RTL10: variants seen among roughly 807,000 people sequenced by gnomAD.
RTL10 encodes protein Bop.
For synonymous variants in RTL10, 199 were observed against 188.4 expected, an observed-to-expected ratio of 1.06 and a Z score of -0.46; for missense variants, 477 against 470.7, an observed-to-expected ratio of 1.01 and a Z score of -0.12.
intron 2 of RTL10, among the ~76,000 whole-genome samples, chr22:19,854,086 C>T (rs1263302775): frequency 6.6e-6 from 1 of 152,200 alleles, no homozygotes; most frequent in African/African-American, 2.4e-5. Flanking sequence ...AACCCTGGGC[C>T]GCACTCTCAC....
chr22:19,851,047 A>G lies in RTL10; in HGVS notation c.*120T>C. On this transcript the variant is annotated 3_prime_UTR_variant, in exon 3 of 3. Transcript: ENST00000328554. Reference sequence around the variant, plus strand: ...AGTCCAAAACAAGCGCATCTTGCCCAGCTATGGGGTCTGAAGTCATCTGGG... The same window carrying G: ...AGTCCAAAACAAGCGCATCTTGCCCGGCTATGGGGTCTGAAGTCATCTGGG... 1 of 1,448,200 alleles carries G rather than the reference A, an allele frequency of 6.9e-7. No homozygotes were observed. The highest frequency in any genetic ancestry group is 9.1e-7 in the Non-Finnish European group (1 of 1,100,640). 89.7% of individuals were successfully genotyped at this position (1,448,200 alleles called of 1,614,324 possible). A position where few individuals can be genotyped will look rare whatever the true frequency, so the allele number is the denominator to read the frequency against.
At position 19,849,080 on chromosome 22, in the gene RTL10, A is replaced by C; in HGVS notation, c.*2087T>G. 1 of 985,454 alleles carries C rather than the reference A, an allele frequency of 1.0e-6. No homozygotes were observed. The highest frequency in any genetic ancestry group is 1.2e-6 in the Non-Finnish European group (1 of 829,920). The allele number at this position is 985,454 out of a possible 1,614,324, so 61.0% of individuals were successfully genotyped here. A position where few individuals can be genotyped will look rare whatever the true frequency, so the allele number is the denominator to read the frequency against. On this transcript the variant is annotated 3_prime_UTR_variant, in exon 3 of 3. Transcript: ENST00000328554. The stretch of plus-strand genomic sequence containing the variant: ...GAGGGCAGCTGTGACCTGGCACAGA[A>C]GCATGGGGCTGGGCCAGGACATCCA...
chr22:19,848,403 TC>T lies in RTL10; in HGVS notation c.*2763del. 1.0e-6 allele frequency: 1 copy of T among 985,328 alleles called. No homozygotes were observed. The highest frequency in any genetic ancestry group is 1.2e-6 in the Non-Finnish European group (1 of 829,966). 61.0% of individuals were successfully genotyped at this position (985,328 alleles called of 1,614,324 possible). On this transcript the variant is annotated 3_prime_UTR_variant, in exon 3 of 3. Coordinates refer to ENST00000328554, the MANE Select transcript of RTL10 (RefSeq NM_024627.6). ...AAACAACCCAGGGGGAATGCCTCCT[TC>T]CCCCAGCAGGAAAGCAGCTTGGTCA...
In RTL10 at chr22:19,851,242, C is replaced by T. The variant is rs1386148897; in HGVS notation, c.1020G>A (p.Val340=). ...EVLETEGDQE[V]SLGTPQEVVE... ...CCACCTCCTGTGGGGTACCTAAGGA[C>T]ACCTCCTGGTCTCCCTCTGTCTCCA... The change falls in exon 3 of 3, where the codon GTG becomes GTA. Residue 340 remains valine, a synonymous_variant. Coordinates refer to ENST00000328554, the MANE Select transcript of RTL10 (RefSeq NM_024627.6). The T allele has an allele frequency of 4.4e-6, 7 of 1,604,252 alleles. No individual in the cohort carries two copies. The highest frequency in any genetic ancestry group is 3.3e-5 in the South Asian group (3 of 89,836).
Position 19,851,849 on chromosome 22 carries a change from C to T in RTL10, c.413G>A (p.Arg138His), listed in dbSNP as rs768921611. 60 of 1,613,796 alleles carry T rather than the reference C, an allele frequency of 3.7e-5. No individual in the cohort carries two copies. Among genetic ancestry groups the T allele is most frequent in the African/African-American group, 4.0e-5 (3 of 74,926 alleles). ...HFEHYQDNIS[R>H]VCEILRRLTG... ...TAGGCGCCTGAGGATCTCGCAGACA[C>T]GGCTGATGTTGTCCTGATAGTGCTC... The change falls in exon 3 of 3, where the codon CGT (arginine) becomes CAT (histidine). Residue 138 changes from arginine to histidine, a missense_variant. Transcript: ENST00000328554.
In RTL10 at chr22:19,848,837, C is replaced by A. The variant is rs1938026600; in HGVS notation, c.*2330G>T. 10 of 985,336 alleles carry A rather than the reference C, an allele frequency of 1.0e-5. No homozygotes were observed. In the South Asian group the frequency reaches 4.7e-4, roughly 46 times the overall value. 61.0% of individuals were successfully genotyped at this position (985,336 alleles called of 1,614,324 possible). On this transcript the variant is annotated 3_prime_UTR_variant, in exon 3 of 3. Coordinates refer to ENST00000328554, the MANE Select transcript of RTL10 (RefSeq NM_024627.6). ...CAATCCCAGGCTGGAGTATCCACTT[C>A]AGGTCCACTAAAGGGAGATGGGGAA... is the stretch of plus-strand genomic sequence containing the variant.
At position 19,848,863 on chromosome 22, in the gene RTL10, G is replaced by T; in HGVS notation, c.*2304C>A. Reference sequence around the variant, plus strand: ...AGGTCCACTAAAGGGAGATGGGGAAGGTGGCCTGTCCAGAAGCCTGTGGGA... The same window carrying T: ...AGGTCCACTAAAGGGAGATGGGGAATGTGGCCTGTCCAGAAGCCTGTGGGA... On this transcript the variant is annotated 3_prime_UTR_variant, in exon 3 of 3. Coordinates refer to ENST00000328554, the MANE Select transcript of RTL10 (RefSeq NM_024627.6). 1.0e-6 allele frequency: 1 copy of T among 985,430 alleles called. No homozygotes were observed. The highest frequency in any genetic ancestry group is 1.2e-6 in the Non-Finnish European group (1 of 829,932). 61.0% of individuals were successfully genotyped at this position (985,430 alleles called of 1,614,324 possible).
Position 19,849,823 on chromosome 22 carries a change from CT to C in RTL10, c.*1343del. The C allele has an allele frequency of 1.0e-6, 1 of 985,418 alleles. No individual in the cohort carries two copies. The highest frequency in any genetic ancestry group is 1.2e-6 in the Non-Finnish European group (1 of 829,922). 61.0% of individuals were successfully genotyped at this position (985,418 alleles called of 1,614,324 possible). A position where few individuals can be genotyped will look rare whatever the true frequency, so the allele number is the denominator to read the frequency against. On this transcript the variant is annotated 3_prime_UTR_variant, in exon 3 of 3. Transcript: ENST00000328554. ...GTAAACCTGAAAGGGACTTGAACTT[CT>C]TGTCCAAGCACCAGAGTGGGCACAC...
Position 19,851,025 on chromosome 22 carries a change from C to A in RTL10, c.*142G>T. On this transcript the variant is annotated 3_prime_UTR_variant, in exon 3 of 3. Coordinates refer to ENST00000328554, the MANE Select transcript of RTL10 (RefSeq NM_024627.6). ...GAGCTGGTTCTGCTCAGCGCAGAGT[C>A]CAAAACAAGCGCATCTTGCCCAGCT... The A allele has an allele frequency of 2.1e-6, 3 of 1,441,794 alleles. No homozygotes were observed. Among genetic ancestry groups the A allele is most frequent in the Non-Finnish European group, 1.8e-6 (2 of 1,100,366 alleles). 89.3% of individuals were successfully genotyped at this position (1,441,794 alleles called of 1,614,324 possible).
chr22:19,847,803 G>GAA lies in RTL10; in HGVS notation c.*3363_*3364insTT, dbSNP rs1468350618. ...AACTTTTAAAATCCTGGAATCATAGGCAAAAAAAAAAAAAAAAAAAAATTC... is the reference window on the plus strand; with the variant it reads ...AACTTTTAAAATCCTGGAATCATAGGAACAAAAAAAAAAAAAAAAAAAAATTC... On this transcript the variant is annotated 3_prime_UTR_variant, in exon 3 of 3. Coordinates refer to ENST00000328554, the MANE Select transcript of RTL10 (RefSeq NM_024627.6). 49 of 440,362 alleles carry GAA rather than the reference G, an allele frequency of 1.1e-4. No individual in the cohort carries two copies. In the African/African-American group the frequency reaches 1.4e-3, roughly 12 times the overall value. 27.3% of individuals were successfully genotyped at this position (440,362 alleles called of 1,614,324 possible).
Position 19,851,553 on chromosome 22 carries a change from C to T in RTL10, c.709G>A (p.Ala237Thr), listed in dbSNP as rs577981288. The change falls in exon 3 of 3, where the codon GCC (alanine) becomes ACC (threonine). Residue 237 changes from alanine (A) to threonine (T), a missense_variant. Coordinates refer to ENST00000328554, the MANE Select transcript of RTL10 (RefSeq NM_024627.6). Reference protein sequence around the residue: ...MGTAPRSLPAAMATPAVSGSN... With the variant: ...MGTAPRSLPATMATPAVSGSN... ...CCAGACACAGCAGGGGTGGCCATGG[C>T]GGCTGGTAAAGACCTGGGGGCAGTA... 5.8e-5 allele frequency: 93 copies of T among 1,612,900 alleles called. 1 individual carries two copies. The South Asian group carries it at 9.1e-4, about 16-fold the overall frequency.
At position 19,847,804 on chromosome 22, in the gene RTL10, C is replaced by CA. The variant is rs34331843; in HGVS notation, c.*3362dup. The CA allele has an allele frequency of 0.2, 118,489 of 605,786 alleles. 3,499 individuals are homozygous for CA. Among genetic ancestry groups the CA allele is most frequent in the East Asian group, 0.33 (2,102 of 6,290 alleles). The allele number at this position is 605,786 out of a possible 1,614,324, so 37.5% of individuals were successfully genotyped here. A position where few individuals can be genotyped will look rare whatever the true frequency, so the allele number is the denominator to read the frequency against. ...ACTTTTAAAATCCTGGAATCATAGG[C>CA]AAAAAAAAAAAAAAAAAAAAATTCA... On this transcript the variant is annotated 3_prime_UTR_variant, in exon 3 of 3. Transcript: ENST00000328554.
In RTL10 at chr22:19,847,594, C is replaced by CT; in HGVS notation, c.*3572dup. 1 of 984,016 alleles carries CT rather than the reference C, an allele frequency of 1.0e-6. No homozygotes were observed. The highest frequency in any genetic ancestry group is 1.2e-6 in the Non-Finnish European group (1 of 829,366). 61.0% of individuals were successfully genotyped at this position (984,016 alleles called of 1,614,324 possible). A position where few individuals can be genotyped will look rare whatever the true frequency, so the allele number is the denominator to read the frequency against. On this transcript the variant is annotated 3_prime_UTR_variant, in exon 3 of 3. Transcript: ENST00000328554. The stretch of plus-strand genomic sequence containing the variant: ...GCAAGGCCAACCTCCAGTCCCTGCT[C>CT]TAAACCCCCATGTAGTGGTACCGAA...
chr22:19,847,955 TG>T lies in RTL10; in HGVS notation c.*3211del. 1 of 985,318 alleles carries T rather than the reference TG, an allele frequency of 1.0e-6. No individual in the cohort carries two copies. Among genetic ancestry groups the T allele is most frequent in the Non-Finnish European group, 1.2e-6 (1 of 829,820 alleles). The allele number at this position is 985,318 out of a possible 1,614,324, so 61.0% of individuals were successfully genotyped here. On this transcript the variant is annotated 3_prime_UTR_variant, in exon 3 of 3. Coordinates refer to ENST00000328554, the MANE Select transcript of RTL10 (RefSeq NM_024627.6). ...TTTCCAGAGGGCCAACTGCTTTTAC[TG>T]AATAATCCATTTTACTCGTTAATTG...
At chr22:19,854,039 C>A (rs902289481) in intron 2 of RTL10, among the ~76,000 whole-genome samples, 2 of 152,208 alleles carry the variant, frequency 1.3e-5, no homozygotes, top group African/African-American at 4.8e-5. Context: ...CTTCCCTGCA[C>A]CAGCCAGCCA....
chr22:19,849,319 T>C lies in RTL10; in HGVS notation c.*1848A>G. 1 of 974,624 alleles carries C rather than the reference T, an allele frequency of 1.0e-6. No individual in the cohort carries two copies. Among genetic ancestry groups the C allele is most frequent in the Middle Eastern group, 5.3e-4 (1 of 1,890 alleles). 60.4% of individuals were successfully genotyped at this position (974,624 alleles called of 1,614,324 possible). On this transcript the variant is annotated 3_prime_UTR_variant, in exon 3 of 3. Transcript: ENST00000328554. ...GAGCCTTTTCTAGTGATAGTTACCATAAAATAATCCCAACAATTTATATTT... is the reference window on the plus strand; with the variant it reads ...GAGCCTTTTCTAGTGATAGTTACCACAAAATAATCCCAACAATTTATATTT...
In RTL10 at chr22:19,847,769, G is replaced by C; in HGVS notation, c.*3398C>G. 1 of 896,478 alleles carries C rather than the reference G, an allele frequency of 1.1e-6. No homozygotes were observed. 55.5% of individuals were successfully genotyped at this position (896,478 alleles called of 1,614,324 possible). ...ACTTCTCCATACCTCCACAACTCTG[G>C]GCATCTAAAACTTTTAAAATCCTGG... On this transcript the variant is annotated 3_prime_UTR_variant, in exon 3 of 3. Transcript: ENST00000328554.
At position 19,848,682 on chromosome 22, in the gene RTL10, G is replaced by C; in HGVS notation, c.*2485C>G. The stretch of plus-strand genomic sequence containing the variant: ...TCCCAAGGACTCTCAAGCCTGCCTA[G>C]GTGGATGCTGCATGACTGGCCCTCA... On this transcript the variant is annotated 3_prime_UTR_variant, in exon 3 of 3. Transcript: ENST00000328554. The C allele has an allele frequency of 1.0e-6, 1 of 985,444 alleles. No individual in the cohort carries two copies. Among genetic ancestry groups the C allele is most frequent in the South Asian group, 4.7e-5 (1 of 21,292 alleles). The allele number at this position is 985,444 out of a possible 1,614,324, so 61.0% of individuals were successfully genotyped here. A position where few individuals can be genotyped will look rare whatever the true frequency, so the allele number is the denominator to read the frequency against.
Position 19,848,914 on chromosome 22 carries a change from A to C in RTL10, c.*2253T>G, listed in dbSNP as rs1938028492. Reference sequence around the variant, plus strand: ...CAGGGTAAAGGTCAGCTGGGTGACTAGGCTGTCCATCCTAGAGAGCAACTC... The same window carrying C: ...CAGGGTAAAGGTCAGCTGGGTGACTCGGCTGTCCATCCTAGAGAGCAACTC... On this transcript the variant is annotated 3_prime_UTR_variant, in exon 3 of 3. Transcript: ENST00000328554. The C allele has an allele frequency of 1.0e-6, 1 of 985,348 alleles. No individual in the cohort carries two copies. The highest frequency in any genetic ancestry group is 1.7e-5 in the African/African-American group (1 of 57,354). The allele number at this position is 985,348 out of a possible 1,614,324, so 61.0% of individuals were successfully genotyped here.
Sources: allele counts gnomAD v4.1 joint callset (sites outside exome capture counted in the v4.1 genomes callset), GRCh38; gene constraint gnomAD v4.1.1; transcripts MANE v1.5; gene names NCBI Gene and HGNC (gene_info 2026-07-23, HGNC 2026-07-21).